The following JAZF1 variants were observed in gnomAD, a reference collection of about 807,000 sequenced individuals.
The protein encoded by JAZF1 is JAZF zinc finger 1, also known as juxtaposed with another zinc finger protein 1.
Under a neutral mutation model 26.4 loss-of-function variants are expected in JAZF1, and 8 were observed. The observed-to-expected ratio is 0.30, with a 90% CI of 0.18 to 0.55. JAZF1 has a LOEUF of 0.55. Ranked by LOEUF, JAZF1 falls within the 20% of genes least tolerant of loss-of-function variation. JAZF1 has a pLI of 0.94. For missense variants in JAZF1, 199 were observed against 322.0 expected, an observed-to-expected ratio of 0.62 and a Z score of 2.92; for synonymous variants, 126 against 122.3, an observed-to-expected ratio of 1.03 and a Z score of -0.20.
In JAZF1 at chr7:27,959,832, G is replaced by A. The variant is rs189342067; in HGVS notation, c.188+32077C>T. 1.7e-4 allele frequency among the ~76,000 whole-genome samples: 26 copies of A among 152,068 alleles called. No homozygotes were observed. The East Asian group carries it at 2.3e-3, about 14-fold the overall frequency. On this transcript the variant is annotated intron_variant, in intron 2 of 4. Transcript: ENST00000283928. ...GGAGAATCGCTTGAACCCAGGAGGC[G>A]GAGGTTGCAGTGAGCCGAGATCATG...
chr7:28,170,925 C>T (rs1054433285), intron 1 of JAZF1, among the ~76,000 whole-genome samples: 1 of 152,208 alleles, frequency 6.6e-6, no homozygotes, highest in Non-Finnish European at 1.5e-5. Context: ...CCTCCTGCGT[C>T]GCATGGGACT....
chr7:28,151,343 G>A (rs1261239296), intron 1 of JAZF1, among the ~76,000 whole-genome samples: 1 of 151,894 alleles, frequency 6.6e-6, no homozygotes, highest in Non-Finnish European at 1.5e-5. Flanking sequence ...GACCACAAGT[G>A]ATCTGCCCGC....
At position 28,127,145 on chromosome 7, in the gene JAZF1, G is replaced by A. The variant is rs545272794; in HGVS notation, c.115+53318C>T. Reference sequence around the variant, plus strand: ...GTCTCCTGACAGCTGCATACTAGGCGAAGGATCCTAAGGCTAACCTTAAGA... The same window carrying A: ...GTCTCCTGACAGCTGCATACTAGGCAAAGGATCCTAAGGCTAACCTTAAGA... On this transcript the variant is annotated intron_variant, in intron 1 of 4. Transcript: ENST00000283928. Among the ~76,000 whole-genome samples, 17 of 152,344 alleles carry A rather than the reference G, an allele frequency of 1.1e-4. No homozygotes were observed. The East Asian group carries it at 2.1e-3, about 19-fold the overall frequency.
At chr7:27,884,302 T>C (rs1783822570) in intron 3 of JAZF1, among the ~76,000 whole-genome samples, 1 of 152,200 alleles carries the variant, frequency 6.6e-6, no homozygotes, top group Non-Finnish European at 1.5e-5. Flanking sequence ...AGCTAATTTT[T>C]TGATTTTCGT....
At chr7:27,914,932 T>TA (rs1324240088) in intron 2 of JAZF1, 4 of 421,250 alleles carry the variant, frequency 9.5e-6, no homozygotes, top group African/African-American at 8.2e-5. Context: ...CCATTTACTT[T>TA]ATGTAAAGGA....
intron 1 of JAZF1, chr7:28,020,810 C>T (rs1782994833): frequency 4.9e-6 from 2 of 404,746 alleles, no homozygotes; most frequent in Non-Finnish European, 1.0e-5. Flanking sequence ...AGGAGAATTA[C>T]CAAAACTCAC....
chr7:27,847,293 C>A (rs2128333150), intron 3 of JAZF1, among the ~76,000 whole-genome samples: 1 of 151,770 alleles, frequency 6.6e-6, no homozygotes, highest in African/African-American at 2.4e-5. Flanking sequence ...CCCAGCTATG[C>A]AGTCTCGTTT....
intron 4 of JAZF1, among the ~76,000 whole-genome samples, chr7:27,836,686 C>G (rs970608646): frequency 1.3e-5 from 2 of 152,158 alleles, no homozygotes; most frequent in African/African-American, 4.8e-5. Flanking sequence ...AAACCACTTG[C>G]AGCAGTGTGG....
chr7:27,999,877 A>G (rs572553345), intron 1 of JAZF1, among the ~76,000 whole-genome samples: 1 of 152,324 alleles, frequency 6.6e-6, no homozygotes, highest in Admixed American at 6.5e-5. Flanking sequence ...TTACCAGGAT[A>G]TATACTTCCA....
At chr7:28,034,687 G>T (rs1184383625) in intron 1 of JAZF1, among the ~76,000 whole-genome samples, 1 of 152,082 alleles carries the variant, frequency 6.6e-6, no homozygotes, top group Non-Finnish European at 1.5e-5. Context: ...ACATACCCAG[G>T]TGTATGGCCA....
At chr7:28,123,518 T>C (rs1234697015) in intron 1 of JAZF1, among the ~76,000 whole-genome samples, 3 of 152,350 alleles carry the variant, frequency 2.0e-5, no homozygotes, top group Middle Eastern at 3.4e-3. Context: ...CAGTAGCACA[T>C]AGTAGGCACT....
At chr7:28,128,095 T>C (rs1782726875) in intron 1 of JAZF1, among the ~76,000 whole-genome samples, 1 of 152,178 alleles carries the variant, frequency 6.6e-6, no homozygotes, top group Non-Finnish European at 1.5e-5. Context: ...CAGGAGGCCA[T>C]ATTAAATTGT....
intron 2 of JAZF1, among the ~76,000 whole-genome samples, chr7:27,981,009 T>C (rs1300987099): frequency 1.3e-5 from 2 of 152,204 alleles, no homozygotes; most frequent in Non-Finnish European, 2.9e-5. Context: ...TACTGTGTGG[T>C]AACTTTATCC....
At chr7:27,921,543 T>C (rs1016992463) in intron 2 of JAZF1, among the ~76,000 whole-genome samples, 5 of 152,232 alleles carry the variant, frequency 3.3e-5, no homozygotes, top group Non-Finnish European at 7.3e-5. Context: ...CTGGCATCGA[T>C]TCTTCCAGAA....
intron 1 of JAZF1, among the ~76,000 whole-genome samples, chr7:28,074,926 C>T (rs997489994): frequency 4.6e-5 from 7 of 152,064 alleles, no homozygotes; most frequent in Admixed American, 1.3e-4. Flanking sequence ...CAACCATTAA[C>T]GACAATAACA....
At chr7:28,045,110 G>A (rs1209737004) in intron 1 of JAZF1, among the ~76,000 whole-genome samples, 1 of 151,660 alleles carries the variant, frequency 6.6e-6, no homozygotes, top group Non-Finnish European at 1.5e-5. Flanking sequence ...GTGAAAATTA[G>A]GGAGGCATAA....
chr7:27,967,525 C>T (rs1464015937), intron 2 of JAZF1, among the ~76,000 whole-genome samples: 1 of 152,038 alleles, frequency 6.6e-6, no homozygotes, highest in Admixed American at 6.5e-5. Context: ...CAATCAGGGT[C>T]ATTAAAAACT....
At chr7:28,072,880 T>C (rs575895777) in intron 1 of JAZF1, among the ~76,000 whole-genome samples, 1 of 152,344 alleles carries the variant, frequency 6.6e-6, no homozygotes, top group African/African-American at 2.4e-5. Flanking sequence ...TCTGGATACA[T>C]ATTTTTTAAA....
chr7:27,963,966 C>T lies in JAZF1; in HGVS notation c.188+27943G>A, dbSNP rs73301314. ...CAATTTCTTCAATGAAGAATGAGGA[C>T]AACATCTGAATTGGTTGCTTATATA... is the stretch of plus-strand genomic sequence containing the variant. On this transcript the variant is annotated intron_variant, in intron 2 of 4. Coordinates refer to ENST00000283928, the MANE Select transcript of JAZF1 (RefSeq NM_175061.4). Among the ~76,000 whole-genome samples, 728 of 152,242 alleles carry T rather than the reference C, an allele frequency of 4.8e-3. 3 individuals carry two copies. The highest frequency in any genetic ancestry group is 0.017 in the African/African-American group (698 of 41,534).
Sources: allele counts gnomAD v4.1 joint callset (sites outside exome capture counted in the v4.1 genomes callset), GRCh38; gene constraint gnomAD v4.1.1; transcripts MANE v1.5; gene names NCBI Gene and HGNC (gene_info 2026-07-23, HGNC 2026-07-21).